The following TMEM163 variants were observed in gnomAD, a reference collection of about 807,000 sequenced individuals.
The protein encoded by TMEM163 is transmembrane protein 163.
A neutral mutation model predicts 29.3 loss-of-function variants in TMEM163; 17 were observed. That is an observed-to-expected ratio of 0.58 (90% CI 0.40 to 0.87). TMEM163 has a LOEUF of 0.87. Ranked by LOEUF, TMEM163 falls within the 40% of genes least tolerant of loss-of-function variation. The pLI is 0.00. For missense variants in TMEM163, 303 were observed against 381.5 expected (o/e 0.79, Z 1.71); for synonymous variants, 157 against 160.6 (o/e 0.98, Z 0.17).
chr2:134,614,833 G>T (rs893563067), intron 2 of TMEM163, among the ~76,000 whole-genome samples: 6 of 151,412 alleles, frequency 4.0e-5, no homozygotes, highest in Non-Finnish European at 8.8e-5. Context: ...CAGCCTGTGC[G>T]ACAGAGTGAG....
chr2:134,649,762 C>T (rs1411370758), intron 2 of TMEM163, among the ~76,000 whole-genome samples: 1 of 151,966 alleles, frequency 6.6e-6, no homozygotes, highest in African/African-American at 2.4e-5. Context: ...TGCCTGTATT[C>T]CAGAATTTTG....
Position 134,592,824 on chromosome 2 carries a change from G to A in TMEM163, c.323-40733C>T, listed in dbSNP as rs187213403. Among the ~76,000 whole-genome samples, 8 of 140,636 alleles carry A rather than the reference G, an allele frequency of 5.7e-5. No homozygotes were observed. The East Asian group carries it at 1.6e-3, about 28-fold the overall frequency. 92.3% of individuals were successfully genotyped at this position (140,636 alleles called of 152,430 possible). ...ATAGATAGATAGACTATCTCTCCCT[G>A]TATGCATATATACACATGTATATAG... On this transcript the variant is annotated intron_variant, in intron 2 of 7. Transcript: ENST00000281924.
intron 2 of TMEM163, among the ~76,000 whole-genome samples, chr2:134,585,486 G>A (rs1399474185): frequency 6.6e-6 from 1 of 152,206 alleles, no homozygotes; most frequent in Non-Finnish European, 1.5e-5. Context: ...GCTCACGCCT[G>A]TAATCCAGCA....
intron 5 of TMEM163, among the ~76,000 whole-genome samples, chr2:134,488,775 A>C (rs759767134): frequency 7.0e-4 from 107 of 152,312 alleles, no homozygotes; most frequent in Non-Finnish European, 1.5e-3. Context: ...ACTCCTAAAA[A>C]CCTGTGGGAA....
At position 134,590,460 on chromosome 2, in the gene TMEM163, G is replaced by A. The variant is rs952661332; in HGVS notation, c.323-38369C>T. Among the ~76,000 whole-genome samples, 5 of 152,236 alleles carry A rather than the reference G, an allele frequency of 3.3e-5. No homozygotes were observed. In the East Asian group the frequency reaches 9.7e-4, roughly 29 times the overall value. ...TCACTTACTCAAAGTTAACCTTTGG[G>A]TCAGTATTATTTCTTCTGTGGTCAC... On this transcript the variant is annotated intron_variant, in intron 2 of 7. Transcript: ENST00000281924.
intron 2 of TMEM163, among the ~76,000 whole-genome samples, chr2:134,702,206 G>A (rs1296315519): frequency 2.0e-5 from 3 of 152,156 alleles, no homozygotes; most frequent in Admixed American, 2.0e-4. Flanking sequence ...AGACTATCTA[G>A]GACCACACTC....
chr2:134,496,326 T>A (rs998737904), intron 5 of TMEM163, among the ~76,000 whole-genome samples: 3 of 152,188 alleles, frequency 2.0e-5, no homozygotes, highest in Non-Finnish European at 4.4e-5. Context: ...CCTCCCAAAG[T>A]GCTGGGATTA....
intron 5 of TMEM163, among the ~76,000 whole-genome samples, chr2:134,497,598 C>T (rs1217664428): frequency 2.0e-5 from 3 of 152,184 alleles, no homozygotes; most frequent in Non-Finnish European, 2.9e-5. Context: ...TCATCTTCTT[C>T]CTTTGTAAAG....
intron 2 of TMEM163, among the ~76,000 whole-genome samples, chr2:134,679,556 T>G (rs767398031): frequency 1.1e-4 from 16 of 152,188 alleles, no homozygotes; most frequent in Non-Finnish European, 1.8e-4. Flanking sequence ...TGCTCTGGGT[T>G]GGAAGGAAGA....
chr2:134,506,864 C>G (rs1679836013), intron 4 of TMEM163, among the ~76,000 whole-genome samples: 1 of 152,198 alleles, frequency 6.6e-6, no homozygotes, highest in Admixed American at 6.5e-5. Context: ...CAATCCCTGG[C>G]CTCAACCCAG....
chr2:134,494,476 T>G (rs77624029), intron 5 of TMEM163, among the ~76,000 whole-genome samples: 2,850 of 152,348 alleles, frequency 0.019, 97 homozygotes, highest in East Asian at 0.16. Context: ...TTATAGGTTA[T>G]GCTCAAGAAG....
At chr2:134,636,707 C>T (rs1683112507) in intron 2 of TMEM163, among the ~76,000 whole-genome samples, 1 of 152,214 alleles carries the variant, frequency 6.6e-6, no homozygotes, top group Admixed American at 6.5e-5. Flanking sequence ...ATTTAGGAGT[C>T]ATGCAGCTGG....
intron 6 of TMEM163, among the ~76,000 whole-genome samples, chr2:134,463,288 T>A (rs1473653445): frequency 6.6e-6 from 1 of 152,124 alleles, no homozygotes; most frequent in Non-Finnish European, 1.5e-5. Flanking sequence ...CAGGGCCCAC[T>A]CATCCCTCGG....
chr2:134,534,970 C>T, intron 4 of TMEM163, among the ~76,000 whole-genome samples: 1 of 152,012 alleles, frequency 6.6e-6, no homozygotes, highest in Non-Finnish European at 1.5e-5. Context: ...GATACAGGGG[C>T]CTGAATGTCT....
intron 5 of TMEM163, among the ~76,000 whole-genome samples, chr2:134,496,746 C>T (rs1376439342): frequency 1.3e-5 from 2 of 152,184 alleles, no homozygotes; most frequent in African/African-American, 4.8e-5. Context: ...CTAATTAAGA[C>T]AGAGAAAACA....
chr2:134,457,723 ACTGT>A (rs539296053), intron 7 of TMEM163, among the ~76,000 whole-genome samples: 50 of 152,316 alleles, frequency 3.3e-4, no homozygotes, highest in Admixed American at 1.3e-3. Flanking sequence ...CATCATGAAG[ACTGT>A]CAGAGAGGAA....
At chr2:134,566,856 G>A (rs974612368) in intron 2 of TMEM163, among the ~76,000 whole-genome samples, 1 of 152,136 alleles carries the variant, frequency 6.6e-6, no homozygotes, top group African/African-American at 2.4e-5. Context: ...AATCACACAT[G>A]CATACCATAA....
At chr2:134,634,272 C>T (rs1047775639) in intron 2 of TMEM163, among the ~76,000 whole-genome samples, 7 of 151,970 alleles carry the variant, frequency 4.6e-5, no homozygotes, top group Non-Finnish European at 5.9e-5. Context: ...CAGACAGACT[C>T]GGTTCACAGC....
At chr2:134,489,975 T>C (rs998644797) in intron 5 of TMEM163, among the ~76,000 whole-genome samples, 1 of 152,248 alleles carries the variant, frequency 6.6e-6, no homozygotes, top group African/African-American at 2.4e-5. Context: ...CTACAGCTAA[T>C]GGCCACGTGC....
Sources: gnomAD v4.1 joint callset for allele counts (sites outside exome capture counted in the v4.1 genomes callset) on GRCh38, gnomAD v4.1.1 for gene constraint, MANE v1.5 for transcripts, NCBI Gene and HGNC (gene_info 2026-07-23, HGNC 2026-07-21) for gene names.